The following AGFG1 variants were observed in gnomAD, a reference collection of about 807,000 sequenced individuals.
AGFG1 encodes ArfGAP with FG repeats 1, also known as arf-GAP domain and FG repeat-containing protein 1.
Under a neutral mutation model 60.6 loss-of-function variants are expected in AGFG1, and 10 were observed. The ratio of observed to expected loss-of-function variants is 0.16; its 90% CI spans 0.10 to 0.28. The LOEUF (loss-of-function observed/expected upper bound fraction) is 0.28. Among genes scored for constraint, AGFG1 ranks in the 10% least tolerant of loss-of-function variants. The pLI is 1.00. For synonymous variants in AGFG1, 247 were observed against 242.9 expected, an observed-to-expected ratio of 1.02 and a Z score of -0.16; for missense variants, 537 against 676.5, an observed-to-expected ratio of 0.79 and a Z score of 2.29.
intron 5 of AGFG1, 115 bp from the exon 6 acceptor site, chr2:227,530,976 T>A (rs533104610): frequency 1.0e-6 from 1 of 972,172 alleles, no homozygotes; most frequent in East Asian, 2.8e-5. Flanking sequence ...GAATTCTCTA[T>A]AAAGTGAGTT....
chr2:227,497,761 T>TTTTTTTTTTTTTTTTTTTTTTG (rs546987888), intron 2 of AGFG1, among the ~76,000 whole-genome samples: 1 of 65,160 alleles, frequency 1.5e-5, no homozygotes. Flanking sequence ...TTTTTTTTTT[T>TTTTTTTTTTTTTTTTTTTTTTG]GGGGACGGAG....
In AGFG1 at chr2:227,523,801, T is replaced by C. The variant is rs61752216; in HGVS notation, c.416T>C (p.Val139Ala). 13,333 of 1,613,940 alleles carry C rather than the reference T, an allele frequency of 8.3e-3. 84 individuals are homozygous for C. Among genetic ancestry groups the C allele is most frequent in the Non-Finnish European group, 0.011 (12,642 of 1,179,930 alleles). Residue 139 changes from valine (V) to alanine (A), a missense_variant, in exon 4 of 13, where the codon GTT (valine) becomes GCT (alanine). By Grantham distance (64) the Val-to-Ala change is moderately conservative. Transcript: ENST00000310078. ...GAACAAGCCAAAGTCGTGGCATCAG[T>C]TCATGCATCTATTTCAGGGTCCTCT... ...PPEQAKVVAS[V>A]HASISGSSAS...
chr2:227,472,987 G>T (rs868693869), intron 1 of AGFG1, among the ~76,000 whole-genome samples: 15 of 151,410 alleles, frequency 9.9e-5, no homozygotes, highest in African/African-American at 2.2e-4. Flanking sequence ...TAGGAGGCCG[G>T]GGGGGAGGTC....
chr2:227,472,681 G>A, intron 1 of AGFG1, 93 bp downstream of exon 1: 1 of 1,352,838 alleles, frequency 7.4e-7, no homozygotes, highest in South Asian at 1.6e-5. Context: ...CTGGGAAAGA[G>A]CCGGGTGCCG....
chr2:227,556,390 G>A lies in AGFG1; in HGVS notation c.*1895G>A, dbSNP rs1042031868. The A allele has an allele frequency of 1.3e-5, 2 of 152,592 alleles. No individual in the cohort carries two copies. Among genetic ancestry groups the A allele is most frequent in the South Asian group, 4.1e-4 (2 of 4,824 alleles). 9.5% of individuals were successfully genotyped at this position (152,592 alleles called of 1,614,324 possible). A position where few individuals can be genotyped will look rare whatever the true frequency, so the allele number is the denominator to read the frequency against. ...TAAGCAAGATGACTGGGAAATCTCT[G>A]CCCCTTTTCTGAGCAGTATGCCTCT... is the stretch of plus-strand genomic sequence containing the variant. On this transcript the variant is annotated 3_prime_UTR_variant, in exon 13 of 13. Transcript: ENST00000310078.
At chr2:227,495,742 A>G (rs1404510068) in intron 2 of AGFG1, among the ~76,000 whole-genome samples, 1 of 152,040 alleles carries the variant, frequency 6.6e-6, no homozygotes, top group African/African-American at 2.4e-5. Context: ...TTATTTTGAA[A>G]TATGTATAGT....
intron 10 of AGFG1, among the ~76,000 whole-genome samples, chr2:227,545,753 G>A (rs1477928845): frequency 1.3e-5 from 2 of 152,174 alleles, no homozygotes; most frequent in African/African-American, 4.8e-5. Context: ...TTTGCTGGTG[G>A]TCCACTCCAG....
At chr2:227,531,295 T>C in intron 6 of AGFG1, 85 bp downstream of exon 6, 1 of 1,439,612 alleles carries the variant, frequency 6.9e-7, no homozygotes, top group South Asian at 1.4e-5. Context: ...TAGTCTAAAC[T>C]TAAATTCTGT....
chr2:227,543,784 G>A (rs1264440566), intron 10 of AGFG1, among the ~76,000 whole-genome samples: 1 of 152,156 alleles, frequency 6.6e-6, no homozygotes, highest in Admixed American at 6.5e-5. Context: ...TATTGTGTGG[G>A]AGTCTAAGTC....
intron 10 of AGFG1, among the ~76,000 whole-genome samples, chr2:227,542,997 G>C (rs1043261507): frequency 6.6e-6 from 1 of 152,046 alleles, no homozygotes; most frequent in African/African-American, 2.4e-5. Context: ...GGGATCAGTG[G>C]TGATACCCCC....
chr2:227,509,812 A>C (rs77154189), intron 2 of AGFG1, among the ~76,000 whole-genome samples: 3,346 of 152,308 alleles, frequency 0.022, 55 homozygotes, highest in South Asian at 0.051. Context: ...TACTATAGAA[A>C]ATACAGCCAA....
At chr2:227,497,829 C>G (rs1691030713) in intron 2 of AGFG1, among the ~76,000 whole-genome samples, 2 of 147,230 alleles carry the variant, frequency 1.4e-5, no homozygotes, top group South Asian at 4.3e-4. Context: ...ACTGCAACCT[C>G]CACCTCCCAG....
At chr2:227,472,762 C>T (rs1324691385) in intron 1 of AGFG1, among the ~76,000 whole-genome samples, 174 bp downstream of exon 1, 5 of 151,156 alleles carry the variant, frequency 3.3e-5, no homozygotes, top group African/African-American at 7.3e-5. Flanking sequence ...GGGCTGGATG[C>T]GCAGGGCCCG....
intron 2 of AGFG1, among the ~76,000 whole-genome samples, chr2:227,499,609 C>T (rs922267352): frequency 1.3e-4 from 20 of 148,908 alleles, no homozygotes; most frequent in Non-Finnish European, 4.4e-5. Flanking sequence ...CACTGTACTC[C>T]AGCCTGGGTG....
intron 2 of AGFG1, among the ~76,000 whole-genome samples, chr2:227,518,785 A>G (rs1482636798): frequency 6.6e-6 from 1 of 152,024 alleles, no homozygotes; most frequent in Non-Finnish European, 1.5e-5. Context: ...ACCCGGCCTC[A>G]GTGTCATTTT....
intron 10 of AGFG1, among the ~76,000 whole-genome samples, chr2:227,547,214 G>A (rs1245992461): frequency 1.3e-5 from 2 of 152,040 alleles, no homozygotes; most frequent in East Asian, 1.9e-4. Context: ...AGGAAGTGAG[G>A]ATTAATACAA....
At chr2:227,548,681 T>C (rs2106240646) in intron 10 of AGFG1, among the ~76,000 whole-genome samples, 1 of 152,338 alleles carries the variant, frequency 6.6e-6, no homozygotes, top group Admixed American at 6.5e-5. Flanking sequence ...CTCACGCCTG[T>C]AATCCCAGCA....
At chr2:227,526,789 C>G (rs1692009134) in intron 5 of AGFG1, among the ~76,000 whole-genome samples, 1 of 152,116 alleles carries the variant, frequency 6.6e-6, no homozygotes, top group South Asian at 2.1e-4. Flanking sequence ...GGTGTTCCAC[C>G]TGCCTTGGCC....
intron 1 of AGFG1, among the ~76,000 whole-genome samples, chr2:227,479,547 A>G (rs951383443): frequency 6.6e-6 from 1 of 152,296 alleles, no homozygotes; most frequent in African/African-American, 2.4e-5. Context: ...AAAACAGGCA[A>G]ATCTCCTTAT....
Sources: allele counts gnomAD v4.1 joint callset (sites outside exome capture counted in the v4.1 genomes callset), GRCh38; gene constraint gnomAD v4.1.1; transcripts MANE v1.5; gene names NCBI Gene and HGNC (gene_info 2026-07-23, HGNC 2026-07-21).